Variants in TENM2 observed in about 807,000 individuals in gnomAD.
The protein encoded by TENM2 is teneurin-2.
TENM2 carries 52 observed loss-of-function variants against 245.2 expected under a neutral mutation model. The observed-to-expected ratio is 0.21, with a 90% CI of 0.17 to 0.27. The LOEUF is 0.27. Ranked by LOEUF, TENM2 falls within the 10% of genes least tolerant of loss-of-function variation. The pLI is 1.00. For missense variants in TENM2, 3,046 were observed against 3,666.8 expected (o/e 0.83, Z 4.37); for synonymous variants, 1,363 against 1,438.9 (o/e 0.95, Z 1.19).
chr5:167,285,110 C>T (rs1301729605), intron 1 of TENM2, 47 bp downstream of exon 3: 4 of 1,427,058 alleles, frequency 2.8e-6, no homozygotes, highest in East Asian at 2.5e-5. Flanking sequence ...GTCTAACTTA[C>T]TTGATTTACA....
intron 3 of TENM2, among the ~76,000 whole-genome samples, chr5:167,890,996 T>C (rs548981315): frequency 2.0e-5 from 3 of 152,328 alleles, no homozygotes; most frequent in East Asian, 3.9e-4. Flanking sequence ...AAATTTCAAG[T>C]GACTTACTGG....
intron 2 of TENM2, among the ~76,000 whole-genome samples, chr5:167,584,693 CT>C (rs1232695178): frequency 7.9e-6 from 1 of 127,022 alleles, no homozygotes; most frequent in Non-Finnish European, 1.7e-5. Context: ...GCTTTCTTTA[CT>C]TTTCTTTTTT....
chr5:167,004,496 A>C, the TENM2 span, among the ~76,000 whole-genome samples: 1 of 152,204 alleles, frequency 6.6e-6, no homozygotes, highest in South Asian at 2.1e-4. Flanking sequence ...TTTTTATTTC[A>C]GGCAGAAAGA....
the TENM2 span, among the ~76,000 whole-genome samples, chr5:167,107,091 CAAAA>C: frequency 9.6e-4 from 66 of 68,900 alleles, no homozygotes; most frequent in African/African-American, 2.5e-3. Flanking sequence ...CTAAAAAATA[CAAAA>C]AAAAAAAAAA....
chr5:167,022,261 T>C, the TENM2 span, among the ~76,000 whole-genome samples: 1 of 152,198 alleles, frequency 6.6e-6, no homozygotes, highest in Admixed American at 6.5e-5. Context: ...AATATTCCAA[T>C]GAAGAGTCAA....
chr5:168,114,950 T>G (rs747119402), intron 9 of TENM2, among the ~76,000 whole-genome samples: 1 of 152,188 alleles, frequency 6.6e-6, no homozygotes, highest in Non-Finnish European at 1.5e-5. Context: ...CAATCCTGTT[T>G]TTTTCTACTT....
intron 13 of TENM2, among the ~76,000 whole-genome samples, chr5:168,185,765 T>A (rs1253548630): frequency 6.6e-6 from 1 of 151,584 alleles, no homozygotes; most frequent in Non-Finnish European, 1.5e-5. Flanking sequence ...AACCAGCCCA[T>A]AGCCTACACC....
chr5:167,905,868 A>G (rs1776049432), intron 3 of TENM2, among the ~76,000 whole-genome samples: 2 of 152,212 alleles, frequency 1.3e-5, no homozygotes, highest in South Asian at 2.1e-4. Flanking sequence ...CTAATTGCAA[A>G]AGTTTTGAAA....
chr5:167,654,523 A>G (rs752715514), intron 2 of TENM2, among the ~76,000 whole-genome samples: 4 of 151,990 alleles, frequency 2.6e-5, no homozygotes, highest in Non-Finnish European at 5.9e-5. Flanking sequence ...CACATTTTGC[A>G]TGGGGATGGA....
intron 2 of TENM2, among the ~76,000 whole-genome samples, chr5:167,661,322 G>A (rs547096601): frequency 1.5e-4 from 23 of 152,100 alleles, no homozygotes; most frequent in Non-Finnish European, 2.9e-4. Flanking sequence ...ATCTTGGAAC[G>A]TGAATTTAGA....
intron 3 of TENM2, among the ~76,000 whole-genome samples, chr5:167,917,778 A>C (rs1377867759): frequency 6.6e-6 from 1 of 152,186 alleles, no homozygotes; most frequent in Non-Finnish European, 1.5e-5. Flanking sequence ...TCTCCCTAGT[A>C]TGTTGCCTTG....
chr5:167,822,403 A>C (rs1420337941), intron 2 of TENM2, among the ~76,000 whole-genome samples: 3 of 152,230 alleles, frequency 2.0e-5, no homozygotes, highest in Non-Finnish European at 4.4e-5. Context: ...CTATTAAACA[A>C]AACTTAGTTT....
intron 1 of TENM2, among the ~76,000 whole-genome samples, chr5:167,286,316 C>G (rs1771345573): frequency 6.6e-6 from 1 of 152,102 alleles, no homozygotes; most frequent in South Asian, 2.1e-4. Context: ...GTAAATGAAA[C>G]ACATGCTGAT....
chr5:167,970,748 C>T (rs1475889668), intron 4 of TENM2, among the ~76,000 whole-genome samples: 1 of 152,018 alleles, frequency 6.6e-6, no homozygotes, highest in Non-Finnish European at 1.5e-5. Context: ...TTTGTCCTAA[C>T]ATGCAACACG....
chr5:166,992,512 A>C, the TENM2 span, among the ~76,000 whole-genome samples: 1 of 152,230 alleles, frequency 6.6e-6, no homozygotes, highest in Non-Finnish European at 1.5e-5. Flanking sequence ...GTTACAAATA[A>C]ATGGTCCTGT....
chr5:167,170,718 A>C, the TENM2 span, among the ~76,000 whole-genome samples: 1 of 152,104 alleles, frequency 6.6e-6, no homozygotes, highest in Non-Finnish European at 1.5e-5. Flanking sequence ...TGTTGAACCC[A>C]CTTCAGTAAG....
the TENM2 span, among the ~76,000 whole-genome samples, chr5:167,116,854 G>C: frequency 1.3e-5 from 2 of 152,154 alleles, no homozygotes; most frequent in Non-Finnish European, 1.5e-5. Flanking sequence ...ACATGTGTCT[G>C]GGAAAACAAA....
At chr5:167,732,616 G>T (rs745895884) in intron 2 of TENM2, among the ~76,000 whole-genome samples, 13 of 152,172 alleles carry the variant, frequency 8.5e-5, no homozygotes, top group Admixed American at 8.5e-4. Context: ...TTGTGTTCTG[G>T]CTAGAAGTGT....
intron 2 of TENM2, among the ~76,000 whole-genome samples, chr5:167,731,971 G>T (rs1760472108): frequency 6.6e-6 from 1 of 152,000 alleles, no homozygotes; most frequent in African/African-American, 2.4e-5. Context: ...TGATAATATT[G>T]TGAGCAAATC....
Sources: allele counts gnomAD v4.1 joint callset (sites outside exome capture counted in the v4.1 genomes callset), GRCh38; gene constraint gnomAD v4.1.1; transcripts MANE v1.5; gene names NCBI Gene and HGNC (gene_info 2026-07-23, HGNC 2026-07-21).